The following ACADL variants were observed in gnomAD, a reference collection of about 807,000 sequenced individuals.
ACADL encodes the protein long-chain specific acyl-CoA dehydrogenase, mitochondrial.
ACADL carries 60 observed loss-of-function variants against 56.9 expected under a neutral mutation model. The ratio of observed to expected loss-of-function variants is 1.05; its 90% confidence interval spans 0.86 to 1.31. The LOEUF (loss-of-function observed/expected upper bound fraction) is 1.31. Ranked by LOEUF, ACADL falls within the 50% of genes most tolerant of loss-of-function variation. The probability of loss-of-function intolerance (pLI) is 0.00; values close to 1 mark genes in which losing one functional copy is unlikely to be tolerated. For missense variants in ACADL, 484 were observed against 525.5 expected, an observed-to-expected ratio of 0.92 and a Z score of 0.77; for synonymous variants, 158 against 179.7, an observed-to-expected ratio of 0.88 and a Z score of 0.97.
Position 210,188,976 on chromosome 2 carries a change from A to G in ACADL, c.1278T>C (p.Ile426=). The G allele has an allele frequency of 6.2e-7, 1 of 1,612,930 alleles. No individual in the cohort carries two copies. The highest frequency in any genetic ancestry group is 1.1e-5 in the South Asian group (1 of 91,056). The change falls in exon 11 of 11, where the codon ATT becomes ATC. Residue 426 remains isoleucine, a synonymous_variant. Transcript: ENST00000233710. Reference sequence around the variant, plus strand: ...GGGCAGATGTCTACTTGTCAAAGACAATCTCTCTTGCAATCAGCTCCTTCA... The same window carrying G: ...GGGCAGATGTCTACTTGTCAAAGACGATCTCTCTTGCAATCAGCTCCTTCA... ...EIMKELIARE[I]VFDK is the part of the protein sequence containing the mutation.
At chr2:210,216,936 C>CA (rs933178275) in intron 3 of ACADL, among the ~76,000 whole-genome samples, 1 of 149,814 alleles carries the variant, frequency 6.7e-6, no homozygotes, top group African/African-American at 2.5e-5. Flanking sequence ...AAAAAAGGAC[C>CA]AAAAAACAAA....
chr2:210,216,589 G>A (rs1689090963), intron 3 of ACADL, 78 bp from the exon 4 acceptor site: 1 of 1,363,182 alleles, frequency 7.3e-7, no homozygotes, highest in Non-Finnish European at 1.0e-6. Context: ...ATGTATTAAG[G>A]TCCTATCAAA....
chr2:210,198,900 G>A (rs115547831), intron 8 of ACADL, among the ~76,000 whole-genome samples: 2,217 of 152,072 alleles, frequency 0.015, 68 homozygotes, highest in African/African-American at 0.051. Context: ...ACTATGGAGA[G>A]CATAGATTTT....
At chr2:210,216,602 G>A in intron 3 of ACADL, 91 bp from the exon 4 acceptor site, 1 of 1,207,330 alleles carries the variant, frequency 8.3e-7, no homozygotes, top group Non-Finnish European at 1.2e-6. Flanking sequence ...CTATCAAATT[G>A]TTTGGTAGTG....
Position 210,217,964 on chromosome 2 carries a change from C to T in ACADL, c.371+1G>A, listed in dbSNP as rs1689114155. 4 of 1,614,042 alleles carry T rather than the reference C, an allele frequency of 2.5e-6. No individual in the cohort carries two copies. Among genetic ancestry groups the T allele is most frequent in the Non-Finnish European group, 3.4e-6 (4 of 1,179,984 alleles). On this transcript the variant is annotated splice_donor_variant, in intron 3 of 10. Coordinates refer to ENST00000233710, the MANE Select transcript of ACADL (RefSeq NM_001608.4). LOFTEE classifies it high-confidence loss of function. Reference sequence around the variant, plus strand: ...TCAACCTTAAAAGTCTCCATACTTACTGCTCCTCCCAGACAATAGCTGCGG... The same window carrying T: ...TCAACCTTAAAAGTCTCCATACTTATTGCTCCTCCCAGACAATAGCTGCGG...
chr2:210,217,706 G>A, intron 3 of ACADL: 2 of 435,858 alleles, frequency 4.6e-6, no homozygotes, highest in South Asian at 5.8e-5. Context: ...GTAACCATAA[G>A]CATTGACAGG....
At position 210,188,883 on chromosome 2, in the gene ACADL, C is replaced by T. The variant is rs1688588074; in HGVS notation, c.*78G>A. 1 of 1,039,092 alleles carries T rather than the reference C, an allele frequency of 9.6e-7. No homozygotes were observed. Among genetic ancestry groups the T allele is most frequent in the African/African-American group, 1.6e-5 (1 of 63,794 alleles). The allele number at this position is 1,039,092 out of a possible 1,614,324, so 64.4% of individuals were successfully genotyped here. A position where few individuals can be genotyped will look rare whatever the true frequency, so the allele number is the denominator to read the frequency against. ...TAAAAACATGTTTAGTGTTTCCTCG[C>T]TTTCCAAGTTACATTTTATCTTGAG... is the stretch of plus-strand genomic sequence containing the variant. On this transcript the variant is annotated 3_prime_UTR_variant, in exon 11 of 11. Coordinates refer to ENST00000233710, the MANE Select transcript of ACADL (RefSeq NM_001608.4).
Position 210,205,643 on chromosome 2 carries a change from A to G in ACADL, c.757T>C (p.Leu253=), listed in dbSNP as rs1321767974. Residue 253 remains leucine (L), a synonymous_variant, in exon 6 of 11, where the codon TTA becomes CTA. Transcript: ENST00000233710. ...IKGRKLHKMG[L]KAQDTAELFF... ...ACATTATCACTCACCTGGGCTTTTAATCCCATTTTATGTAGCTTTCGTCCC... is the reference window on the plus strand; with the variant it reads ...ACATTATCACTCACCTGGGCTTTTAGTCCCATTTTATGTAGCTTTCGTCCC... 1 of 1,613,836 alleles carries G rather than the reference A, an allele frequency of 6.2e-7. No individual in the cohort carries two copies. Among genetic ancestry groups the G allele is most frequent in the South Asian group, 1.1e-5 (1 of 91,076 alleles).
chr2:210,216,029 C>G (rs1689080839), intron 4 of ACADL, among the ~76,000 whole-genome samples: 1 of 152,182 alleles, frequency 6.6e-6, no homozygotes, highest in African/African-American at 2.4e-5. Context: ...CCATCCTTGT[C>G]TCCAGAATTC....
intron 4 of ACADL, among the ~76,000 whole-genome samples, chr2:210,213,369 G>A (rs1169635463): frequency 3.3e-5 from 5 of 151,930 alleles, no homozygotes; most frequent in African/African-American, 4.8e-5. Context: ...GCATGGTGGC[G>A]GGCGCCTGTA....
At chr2:210,189,616 GT>G (rs1302448726) in intron 10 of ACADL, among the ~76,000 whole-genome samples, 1 of 151,940 alleles carries the variant, frequency 6.6e-6, no homozygotes, top group African/African-American at 2.4e-5. Flanking sequence ...AATGTGTGGA[GT>G]TAAAATACTA....
At position 210,205,526 on chromosome 2, in the gene ACADL, A is replaced by C; in HGVS notation, c.768+106T>G. 3 of 1,116,464 alleles carry C rather than the reference A, an allele frequency of 2.7e-6. No individual in the cohort carries two copies. In the South Asian group the frequency reaches 4.0e-5, roughly 15 times the overall value. 69.2% of individuals were successfully genotyped at this position (1,116,464 alleles called of 1,614,324 possible). A position where few individuals can be genotyped will look rare whatever the true frequency, so the allele number is the denominator to read the frequency against. On this transcript the variant is annotated intron_variant, in intron 6 of 10. Coordinates refer to ENST00000233710, the MANE Select transcript of ACADL (RefSeq NM_001608.4). ...TCAGAAAAGCATATTTTAGGAATTC[A>C]GCATAGGAAATAAAATTGTGCCACA...
Position 210,220,768 on chromosome 2 carries a change from T to A in ACADL, c.112A>T (p.Thr38Ser). 1.2e-6 allele frequency: 2 copies of A among 1,610,316 alleles called. No individual in the cohort carries two copies. Among genetic ancestry groups the A allele is most frequent in the Non-Finnish European group, 1.7e-6 (2 of 1,178,224 alleles). The change falls in exon 2 of 11, where the codon ACT becomes TCT. Residue 38 changes from threonine to serine, a missense_variant. Thr to Ser is a moderately conservative substitution (Grantham distance 58). Coordinates refer to ENST00000233710, the MANE Select transcript of ACADL (RefSeq NM_001608.4). ...TCTGTTAATTTTTTAGCAGAAGGAG[T>A]TTCTAGACGTTCTTCCCCTCCGGAA... ...SHSGGEERLE[T>S]PSAKKLTDIG...
intron 8 of ACADL, among the ~76,000 whole-genome samples, chr2:210,200,923 G>A (rs1047082422): frequency 4.6e-5 from 7 of 152,118 alleles, no homozygotes; most frequent in African/African-American, 1.2e-4. Context: ...TATTCCAAGC[G>A]CTTTATGTAT....
chr2:210,199,412 T>TA (rs1688759589), intron 8 of ACADL, among the ~76,000 whole-genome samples: 1 of 152,064 alleles, frequency 6.6e-6, no homozygotes, highest in African/African-American at 2.4e-5. Context: ...AAGGCAACAA[T>TA]AAAATGATAC....
At chr2:210,191,736 C>G (rs979132623) in intron 10 of ACADL, among the ~76,000 whole-genome samples, 2 of 152,054 alleles carry the variant, frequency 1.3e-5, no homozygotes, top group Non-Finnish European at 2.9e-5. Context: ...TTTTTAGAAG[C>G]CTATAGCATT....
At chr2:210,216,109 T>C (rs542309219) in intron 4 of ACADL, among the ~76,000 whole-genome samples, 1 of 152,346 alleles carries the variant, frequency 6.6e-6, no homozygotes, top group South Asian at 2.1e-4. Context: ...AAATTCATTA[T>C]GGTGAAAATT....
At chr2:210,219,150 G>C (rs1053961551) in intron 2 of ACADL, among the ~76,000 whole-genome samples, 4 of 151,982 alleles carry the variant, frequency 2.6e-5, no homozygotes, top group African/African-American at 9.7e-5. Flanking sequence ...AAGTAGCTTT[G>C]GAAATATTTT....
chr2:210,196,082 C>T (rs1295076149), intron 8 of ACADL, among the ~76,000 whole-genome samples: 2 of 151,998 alleles, frequency 1.3e-5, no homozygotes, highest in Non-Finnish European at 2.9e-5. Context: ...GTGGGTTTGT[C>T]CCATGATGTT....
Sources: allele counts gnomAD v4.1 joint callset (sites outside exome capture counted in the v4.1 genomes callset), GRCh38; gene constraint gnomAD v4.1.1; transcripts MANE v1.5; gene names NCBI Gene and HGNC (gene_info 2026-07-23, HGNC 2026-07-21).